Variants in ADAM28 observed in about 807,000 individuals in gnomAD.
ADAM28 encodes the protein ADAM metallopeptidase domain 28.
A neutral mutation model predicts 101.2 loss-of-function variants in ADAM28; 105 were observed. That is an observed-to-expected ratio of 1.04 (90% confidence interval 0.89 to 1.22). The LOEUF (loss-of-function observed/expected upper bound fraction) is 1.22, where lower values mean the gene tolerates loss of function less well. Ranked by LOEUF, ADAM28 falls within the 50% of genes most tolerant of loss-of-function variation. The pLI is 0.00. For missense variants in ADAM28, 1,028 were observed against 945.4 expected (o/e 1.09, Z -1.15); for synonymous variants, 322 against 310.6 (o/e 1.04, Z -0.39).
chr8:24,351,761 CATTTATAACATTGGT>C (rs1357932453), intron 20 of ADAM28, among the ~76,000 whole-genome samples: 1 of 152,160 alleles, frequency 6.6e-6, no homozygotes. Context: ...CATTGGTAAT[CATTTATAACATTGGT>C]AATCATTTTT....
At chr8:24,321,356 G>A in intron 8 of ADAM28, 67 bp downstream of exon 8, 2 of 1,263,940 alleles carry the variant, frequency 1.6e-6, no homozygotes, top group Non-Finnish European at 2.3e-6. Context: ...GTTTTTCAAT[G>A]AACGCACATG....
intron 6 of ADAM28, among the ~76,000 whole-genome samples, chr8:24,316,649 GA>G (rs1266525501): frequency 6.6e-6 from 1 of 151,962 alleles, no homozygotes; most frequent in East Asian, 1.9e-4. Context: ...TCGGAAAGCA[GA>G]AATAGCCATT....
rs185462625 is a variant in ADAM28, at chr8:24,354,631, T to C, written c.*227T>C. 31 of 407,828 alleles carry C rather than the reference T, an allele frequency of 7.6e-5. No individual in the cohort carries two copies. Among genetic ancestry groups the C allele is most frequent in the African/African-American group, 5.2e-4 (25 of 47,640 alleles). 25.3% of individuals were successfully genotyped at this position (407,828 alleles called of 1,614,324 possible). A position where few individuals can be genotyped will look rare whatever the true frequency, so the allele number is the denominator to read the frequency against. On this transcript the variant is annotated 3_prime_UTR_variant, in exon 23 of 23. Transcript: ENST00000265769. ...TTAAAATTTCAATTATCCATTCTTA[T>C]AAGAAGGAAGATGATTGTAAAGAAA...
At chr8:24,329,817 A>G (rs1400985327) in intron 10 of ADAM28, among the ~76,000 whole-genome samples, 168 bp from the exon 11 acceptor site, 3 of 150,890 alleles carry the variant, frequency 2.0e-5, no homozygotes, top group African/African-American at 7.3e-5. Context: ...ATGGGCATTC[A>G]GTTCCATTTA....
At chr8:24,308,563 G>A (rs1810014726) in intron 2 of ADAM28, 1 of 453,104 alleles carries the variant, frequency 2.2e-6, no homozygotes, top group African/African-American at 2.0e-5. Flanking sequence ...ATTCTAGCTA[G>A]GCTTTCTTAA....
intron 11 of ADAM28, among the ~76,000 whole-genome samples, chr8:24,330,750 A>C (rs17051863): frequency 0.099 from 15,110 of 152,204 alleles, 965 homozygotes; most frequent in East Asian, 0.26. Flanking sequence ...CCTCTATTAC[A>C]GCAGTTTTAA....
chr8:24,298,265 A>G (rs1808236562), intron 1 of ADAM28, among the ~76,000 whole-genome samples: 1 of 152,182 alleles, frequency 6.6e-6, no homozygotes, highest in Non-Finnish European at 1.5e-5. Context: ...AGTAACTCTT[A>G]CACCACTGAA....
intron 5 of ADAM28, among the ~76,000 whole-genome samples, chr8:24,313,142 T>C (rs1810694894): frequency 1.3e-5 from 2 of 152,220 alleles, no homozygotes. Context: ...AGAACTGATA[T>C]GGTTGCTTGT....
rs538134294 is a variant in ADAM28, at chr8:24,322,612, A to G, written c.721-1222A>G. On this transcript the variant is annotated intron_variant, in intron 8 of 22. Coordinates refer to ENST00000265769, the MANE Select transcript of ADAM28 (RefSeq NM_014265.6). ...TCCCCTGTGTTCAAGGGCAGAAGGA[A>G]GAGAGATGTAGAGGCAAGTTGCTTT... is the stretch of plus-strand genomic sequence containing the variant. 5.9e-5 allele frequency: 9 copies of G among 152,174 alleles called. 1 individual carries two copies. Among genetic ancestry groups the G allele is most frequent in the African/African-American group, 2.2e-4 (9 of 41,562 alleles). The allele number at this position is 152,174 out of a possible 1,614,324, so 9.4% of individuals were successfully genotyped here.
At chr8:24,294,732 ATTAC>A (rs1231906278) in intron 1 of ADAM28, among the ~76,000 whole-genome samples, 3 of 152,208 alleles carry the variant, frequency 2.0e-5, no homozygotes, top group African/African-American at 7.2e-5. Context: ...GTACTGTGAT[ATTAC>A]TTAACAAAAT....
chr8:24,351,327 G>A lies in ADAM28; in HGVS notation c.2178+17G>A, dbSNP rs747029209. On this transcript the variant is annotated intron_variant, in intron 20 of 22. Coordinates refer to ENST00000265769, the MANE Select transcript of ADAM28 (RefSeq NM_014265.6). ...CCCCAAGAGGTGAACTATATAGTCT[G>A]GGCTGTGATTACCATGGCCCCACTT... The A allele has an allele frequency of 1.2e-6, 2 of 1,610,078 alleles. No homozygotes were observed. Among genetic ancestry groups the A allele is most frequent in the East Asian group, 2.2e-5 (1 of 44,834 alleles).
intron 2 of ADAM28, among the ~76,000 whole-genome samples, chr8:24,306,361 TAA>T (rs1491183492): frequency 8.7e-5 from 10 of 115,386 alleles, no homozygotes; most frequent in African/African-American, 2.9e-4. Flanking sequence ...AATAAATAAA[TAA>T]ATATATATAT....
At chr8:24,306,240 G>A (rs1025374256) in intron 2 of ADAM28, among the ~76,000 whole-genome samples, 3 of 151,074 alleles carry the variant, frequency 2.0e-5, no homozygotes, top group African/African-American at 7.3e-5. Context: ...CTTCTCAGGA[G>A]GCTGAGGCAG....
At chr8:24,351,443 G>T in intron 20 of ADAM28, 133 bp downstream of exon 20, 3 of 977,276 alleles carry the variant, frequency 3.1e-6, no homozygotes, top group East Asian at 5.0e-5. Context: ...TGTCTCCTTT[G>T]CCTTTTGTTA....
chr8:24,301,317 GCTCT>G (rs770287147), intron 2 of ADAM28, among the ~76,000 whole-genome samples: 1 of 152,032 alleles, frequency 6.6e-6, no homozygotes, highest in Non-Finnish European at 1.5e-5. Flanking sequence ...TTCTTCAAAT[GCTCT>G]CTAAGACTTT....
At chr8:24,319,729 T>C (rs1003708095) in intron 6 of ADAM28, among the ~76,000 whole-genome samples, 2 of 151,682 alleles carry the variant, frequency 1.3e-5, no homozygotes, top group African/African-American at 4.8e-5. Flanking sequence ...GTTTGAAACA[T>C]GGGAAGGAGA....
chr8:24,335,922 G>T (rs766771639), intron 14 of ADAM28: 30 of 1,117,328 alleles, frequency 2.7e-5, no homozygotes, highest in African/African-American at 3.2e-5. Flanking sequence ...AATATTTGAG[G>T]TGTGCTCATA....
chr8:24,294,680 C>T lies in ADAM28; in HGVS notation c.46+485C>T, dbSNP rs575339664. 1.2e-4 allele frequency among the ~76,000 whole-genome samples: 18 copies of T among 152,148 alleles called. No individual in the cohort carries two copies. The East Asian group carries it at 1.9e-3, about 16-fold the overall frequency. ...TATTTACTCATTATTAGTAATAATACGTGTGACTAACTGGAAATAATTAAT... is the reference window on the plus strand; with the variant it reads ...TATTTACTCATTATTAGTAATAATATGTGTGACTAACTGGAAATAATTAAT... On this transcript the variant is annotated intron_variant, in intron 1 of 22. Transcript: ENST00000265769.
intron 7 of ADAM28, 110 bp downstream of exon 7, chr8:24,320,417 A>G (rs1811716413): frequency 1.3e-6 from 1 of 753,728 alleles, no homozygotes. Flanking sequence ...CATGAATATG[A>G]GCTATGGTTA....
Sources: allele counts gnomAD v4.1 joint callset (sites outside exome capture counted in the v4.1 genomes callset), GRCh38; gene constraint gnomAD v4.1.1; transcripts MANE v1.5; gene names NCBI Gene and HGNC (gene_info 2026-07-23, HGNC 2026-07-21).